The following STK33 variants were observed in gnomAD, a reference collection of about 807,000 sequenced individuals.
The protein encoded by STK33 is serine/threonine-protein kinase 33.
STK33 carries 52 observed loss-of-function variants against 58.0 expected under a neutral mutation model. That is an observed-to-expected ratio of 0.90 (90% CI 0.72 to 1.13). STK33 has a LOEUF of 1.13. STK33 is among the 50% of genes most tolerant of loss of function. The pLI, the probability that STK33 is intolerant of heterozygous loss-of-function variation, is 0.00. For synonymous variants in STK33, 215 were observed against 200.1 expected (o/e 1.07, Z -0.63); for missense variants, 630 against 604.2 (o/e 1.04, Z -0.45).
intron 1 of STK33, among the ~76,000 whole-genome samples, chr11:8,569,451 CCA>C (rs1957656982): frequency 2.0e-5 from 3 of 152,126 alleles, no homozygotes; most frequent in African/African-American, 7.2e-5. Flanking sequence ...CTCACACCAC[CCA>C]CAGACATTAA....
rs1952422004 is a variant in STK33, at chr11:8,512,547, G to A, written c.-465-31933C>T. ...TAACAGCTATGGTCCTAAGGCAAGA[G>A]TGTTTGTGGAGGCAGGAGGTCAAAA... On this transcript the variant is annotated intron_variant, in intron 1 of 15. Coordinates refer to ENST00000687296, the MANE Select transcript of STK33 (RefSeq NM_001352389.2). 3.3e-5 allele frequency among the ~76,000 whole-genome samples: 5 copies of A among 152,188 alleles called. No individual in the cohort carries two copies. In the South Asian group the frequency reaches 1.0e-3, roughly 32 times the overall value.
At chr11:8,592,612 T>C (rs1180326913) in intron 1 of STK33, among the ~76,000 whole-genome samples, 6 of 152,186 alleles carry the variant, frequency 3.9e-5, no homozygotes, top group African/African-American at 1.2e-4. Flanking sequence ...TTTTGGGAAC[T>C]GTTTTTTTAT....
chr11:8,346,258 G>C, the STK33 span, among the ~76,000 whole-genome samples: 1 of 152,250 alleles, frequency 6.6e-6, no homozygotes, highest in African/African-American at 2.4e-5. Context: ...TGCCACACAG[G>C]AGGTGTTGCC....
the STK33 span, among the ~76,000 whole-genome samples, chr11:8,337,575 GCGGAGCCA>G: frequency 6.7e-6 from 1 of 149,758 alleles, no homozygotes; most frequent in Admixed American, 6.6e-5. Context: ...CTTTGGGACC[GCGGAGCCA>G]CGGAGCCACG....
At chr11:8,453,289 A>T (rs541033782) in intron 10 of STK33, among the ~76,000 whole-genome samples, 1 of 152,324 alleles carries the variant, frequency 6.6e-6, no homozygotes, top group East Asian at 1.9e-4. Context: ...TTAACATATT[A>T]TCTATGTTTC....
At chr11:8,374,741 T>C in the STK33 span, among the ~76,000 whole-genome samples, 1 of 152,224 alleles carries the variant, frequency 6.6e-6, no homozygotes, top group Non-Finnish European at 1.5e-5. Context: ...ACATTCAGCC[T>C]GTAACAGTGA....
At chr11:8,513,761 A>G (rs1952529905) in intron 1 of STK33, among the ~76,000 whole-genome samples, 1 of 152,202 alleles carries the variant, frequency 6.6e-6, no homozygotes, top group Admixed American at 6.5e-5. Flanking sequence ...TGTAATAACC[A>G]CATCAGGATA....
chr11:8,419,623 T>C (rs1459980424), intron 14 of STK33, among the ~76,000 whole-genome samples: 1 of 152,216 alleles, frequency 6.6e-6, no homozygotes, highest in Non-Finnish European at 1.5e-5. Flanking sequence ...GCAAAGAATG[T>C]CACTGGTAAT....
chr11:8,403,671 C>G (rs371693782), intron 15 of STK33, among the ~76,000 whole-genome samples: 30 of 152,302 alleles, frequency 2.0e-4, no homozygotes, highest in African/African-American at 6.3e-4. Flanking sequence ...ACAAGCCTTC[C>G]TCCAGTTTCA....
At chr11:8,367,773 G>T in the STK33 span, among the ~76,000 whole-genome samples, 1 of 152,098 alleles carries the variant, frequency 6.6e-6, no homozygotes, top group Non-Finnish European at 1.5e-5. Flanking sequence ...CATGAGGCTT[G>T]AAAATGGTAT....
At chr11:8,476,425 G>A (rs1207684028) in intron 4 of STK33, among the ~76,000 whole-genome samples, 1 of 152,156 alleles carries the variant, frequency 6.6e-6, no homozygotes, top group Admixed American at 6.5e-5. Context: ...TGCCTATACG[G>A]TCCCAAATAA....
chr11:8,476,723 C>G lies in STK33; in HGVS notation c.-198G>C, dbSNP rs1039543810. On this transcript the variant is annotated 5_prime_UTR_variant, in exon 4 of 16. Transcript: ENST00000687296. ...TTTCTTCATGCCACTTATCATTTCACTCAGGAAGTTTCATAGCAGAGTCCT... is the reference window on the plus strand; with the variant it reads ...TTTCTTCATGCCACTTATCATTTCAGTCAGGAAGTTTCATAGCAGAGTCCT... 9.8e-5 allele frequency: 15 copies of G among 152,328 alleles called. No homozygotes were observed. Among genetic ancestry groups the G allele is most frequent in the African/African-American group, 3.4e-4 (14 of 41,556 alleles). 9.4% of individuals were successfully genotyped at this position (152,328 alleles called of 1,614,324 possible). A position where few individuals can be genotyped will look rare whatever the true frequency, so the allele number is the denominator to read the frequency against.
At chr11:8,521,881 C>T (rs1953479114) in intron 1 of STK33, among the ~76,000 whole-genome samples, 1 of 152,194 alleles carries the variant, frequency 6.6e-6, no homozygotes, top group South Asian at 2.1e-4. Context: ...AAAAAAATCT[C>T]ATCACCACTG....
At chr11:8,445,841 C>CT (rs1564997110) in intron 11 of STK33, among the ~76,000 whole-genome samples, 2 of 152,098 alleles carry the variant, frequency 1.3e-5, no homozygotes, top group African/African-American at 4.8e-5. Flanking sequence ...CTGAAATTTT[C>CT]TTTTTTTGTT....
intron 1 of STK33, among the ~76,000 whole-genome samples, chr11:8,549,626 T>C (rs1004670649): frequency 6.6e-6 from 1 of 152,154 alleles, no homozygotes; most frequent in Non-Finnish European, 1.5e-5. Context: ...TGAGCTTTGT[T>C]GGGGAACTTC....
the STK33 span, among the ~76,000 whole-genome samples, chr11:8,366,215 G>A: frequency 6.6e-6 from 1 of 152,228 alleles, no homozygotes; most frequent in African/African-American, 2.4e-5. Context: ...GCTTCCTGGA[G>A]AAGGCAGCCT....
intron 1 of STK33, among the ~76,000 whole-genome samples, chr11:8,529,132 G>A (rs1344761748): frequency 6.6e-6 from 1 of 152,142 alleles, no homozygotes; most frequent in African/African-American, 2.4e-5. Context: ...CCATTAAACT[G>A]TTTTCTCTGC....
intron 15 of STK33, among the ~76,000 whole-genome samples, chr11:8,401,697 G>C (rs1938005447): frequency 1.3e-5 from 2 of 152,272 alleles, no homozygotes; most frequent in Admixed American, 1.3e-4. Context: ...TACAGAATGG[G>C]AGAAAATTTT....
chr11:8,417,324 T>C (rs566984963), intron 14 of STK33, among the ~76,000 whole-genome samples: 3 of 152,204 alleles, frequency 2.0e-5, no homozygotes, highest in Admixed American at 1.3e-4. Flanking sequence ...ATCGAACAAC[T>C]AGAAAAATGA....
Sources: gnomAD v4.1 joint callset for allele counts (sites outside exome capture counted in the v4.1 genomes callset) on GRCh38, gnomAD v4.1.1 for gene constraint, MANE v1.5 for transcripts, NCBI Gene and HGNC (gene_info 2026-07-23, HGNC 2026-07-21) for gene names.